DNAJC11: variants seen among roughly 807,000 people sequenced by gnomAD.
The protein encoded by DNAJC11 is DnaJ heat shock protein family (Hsp40) member C11, also known as dnaJ homolog subfamily C member 11.
Under a neutral mutation model 78.6 loss-of-function variants are expected in DNAJC11, and 15 were observed. That is an observed-to-expected ratio of 0.19 (90% confidence interval 0.13 to 0.29). The LOEUF (loss-of-function observed/expected upper bound fraction) is 0.29, where lower values mean the gene tolerates loss of function less well. Ranked by LOEUF, DNAJC11 falls within the 10% of genes least tolerant of loss-of-function variation. The probability of loss-of-function intolerance (pLI) is 1.00; values close to 1 mark genes in which losing one functional copy is unlikely to be tolerated. For missense variants in DNAJC11, 547 were observed against 709.6 expected (o/e 0.77, Z 2.60); for synonymous variants, 292 against 272.1 (o/e 1.07, Z -0.72).
At position 6,640,063 on chromosome 1, in the gene DNAJC11, G is replaced by GAAAA. The variant is rs753794029; in HGVS notation, c.1098-10_1098-7dup. The GAAAA allele has an allele frequency of 2.7e-6, 2 of 753,912 alleles. No individual in the cohort carries two copies. Among genetic ancestry groups the GAAAA allele is most frequent in the South Asian group, 3.7e-5 (1 of 27,016 alleles). 46.7% of individuals were successfully genotyped at this position (753,912 alleles called of 1,614,324 possible). The stretch of plus-strand genomic sequence containing the variant: ...TCTGACTGGCCCTGTTGAGCCTGGG[G>GAAAA]AAAAATACAAAAAAAAAAAAAAAAA... On this transcript the variant is annotated splice_polypyrimidine_tract_variant and splice_region_variant and intron_variant, in intron 10 of 15. Coordinates refer to ENST00000377577, the MANE Select transcript of DNAJC11 (RefSeq NM_018198.4).
At chr1:6,654,941 G>A (rs1484930371) in intron 4 of DNAJC11, among the ~76,000 whole-genome samples, 2 of 152,092 alleles carry the variant, frequency 1.3e-5, no homozygotes, top group Non-Finnish European at 2.9e-5. Flanking sequence ...TGGGACTACA[G>A]GCGCACGCCA....
Position 6,634,595 on chromosome 1 carries a change from C to T in DNAJC11, c.*1080G>A, listed in dbSNP as rs751700525. 2 of 1,366,100 alleles carry T rather than the reference C, an allele frequency of 1.5e-6. No individual in the cohort carries two copies. Among genetic ancestry groups the T allele is most frequent in the East Asian group, 4.5e-5 (1 of 21,980 alleles). The allele number at this position is 1,366,100 out of a possible 1,614,324, so 84.6% of individuals were successfully genotyped here. On this transcript the variant is annotated 3_prime_UTR_variant, in exon 16 of 16. Transcript: ENST00000377577. ...GCAACTGATGGCTGCCACTTCCAGG[C>T]CCCGAGAGACAGGCCTCACGTAACT...
intron 4 of DNAJC11, among the ~76,000 whole-genome samples, chr1:6,656,185 A>G (rs1390826381): frequency 3.3e-5 from 5 of 151,664 alleles, no homozygotes; most frequent in Non-Finnish European, 7.4e-5. Context: ...TTTTAGGGGG[A>G]AAAAAACCAT....
At chr1:6,650,557 C>A (rs1488266160) in intron 7 of DNAJC11, among the ~76,000 whole-genome samples, 1 of 151,966 alleles carries the variant, frequency 6.6e-6, no homozygotes, top group East Asian at 1.9e-4. Context: ...CAGAACAAAA[C>A]CTCGTCTCTA....
chr1:6,649,931 C>T (rs1315569649), intron 7 of DNAJC11, among the ~76,000 whole-genome samples: 1 of 151,910 alleles, frequency 6.6e-6, no homozygotes, highest in Non-Finnish European at 1.5e-5. Flanking sequence ...GTCTCGAACT[C>T]CTGTACATGT....
chr1:6,644,709 C>G (rs1641940255), intron 9 of DNAJC11, 35 bp from the exon 10 acceptor site: 2 of 1,564,208 alleles, frequency 1.3e-6, no homozygotes, highest in African/African-American at 1.4e-5. Context: ...GCCTGTGCCC[C>G]TCATTCATCA....
At chr1:6,694,540 G>T (rs776020670) in intron 1 of DNAJC11, among the ~76,000 whole-genome samples, 1 of 152,076 alleles carries the variant, frequency 6.6e-6, no homozygotes, top group Non-Finnish European at 1.5e-5. Flanking sequence ...AAATTCACTG[G>T]CTTTGTATGC....
At chr1:6,654,931 TG>T (rs1218668496) in intron 4 of DNAJC11, among the ~76,000 whole-genome samples, 1 of 152,160 alleles carries the variant, frequency 6.6e-6, no homozygotes, top group African/African-American at 2.4e-5. Context: ...CCCGAGTAGC[TG>T]GGACTACAGG....
chr1:6,699,985 T>C (rs1642899750), intron 1 of DNAJC11, among the ~76,000 whole-genome samples: 1 of 152,116 alleles, frequency 6.6e-6, no homozygotes, highest in Non-Finnish European at 1.5e-5. Context: ...CCTGCACATA[T>C]ACATCCAGAT....
chr1:6,634,660 C>A lies in DNAJC11; in HGVS notation c.*1015G>T, dbSNP rs750891314. The A allele has an allele frequency of 2.5e-5, 34 of 1,366,352 alleles. No individual in the cohort carries two copies. The highest frequency in any genetic ancestry group is 3.2e-5 in the Non-Finnish European group (33 of 1,021,824). 84.6% of individuals were successfully genotyped at this position (1,366,352 alleles called of 1,614,324 possible). Reference sequence around the variant, plus strand: ...GTCCAGGCCGTGGAGGGGGTCCTAGCTCCGCTGCATTCTGCATCCCAAGTG... The same window carrying A: ...GTCCAGGCCGTGGAGGGGGTCCTAGATCCGCTGCATTCTGCATCCCAAGTG... On this transcript the variant is annotated 3_prime_UTR_variant, in exon 16 of 16. Coordinates refer to ENST00000377577, the MANE Select transcript of DNAJC11 (RefSeq NM_018198.4).
chr1:6,662,277 C>T (rs1046899916), intron 4 of DNAJC11, among the ~76,000 whole-genome samples: 3 of 151,626 alleles, frequency 2.0e-5, no homozygotes, highest in African/African-American at 7.3e-5. Context: ...CACTGCAACC[C>T]CCGCCTCCCA....
chr1:6,639,881 G>C, intron 11 of DNAJC11, 21 bp downstream of exon 11: 1 of 1,609,580 alleles, frequency 6.2e-7, no homozygotes, highest in Non-Finnish European at 8.5e-7. Flanking sequence ...CTAGTGACAT[G>C]CCCATGACGT....
At chr1:6,639,512 A>G (rs1029922418) in intron 11 of DNAJC11, among the ~76,000 whole-genome samples, 2 of 151,578 alleles carry the variant, frequency 1.3e-5, no homozygotes, top group African/African-American at 4.9e-5. Flanking sequence ...CTATTTTTTT[A>G]GTAGAGACAG....
intron 1 of DNAJC11, among the ~76,000 whole-genome samples, chr1:6,684,485 T>C (rs1391952220): frequency 1.3e-5 from 2 of 152,234 alleles, no homozygotes; most frequent in East Asian, 3.8e-4. Context: ...TAGACTGCTA[T>C]TTCCTGGTTA....
intron 7 of DNAJC11, among the ~76,000 whole-genome samples, chr1:6,650,752 A>G (rs1041277776): frequency 3.9e-5 from 6 of 152,150 alleles, no homozygotes; most frequent in Non-Finnish European, 8.8e-5. Flanking sequence ...ACACGCCTGT[A>G]GTCCCAGCTA....
At chr1:6,695,114 C>G (rs1485634063) in intron 1 of DNAJC11, among the ~76,000 whole-genome samples, 1 of 150,564 alleles carries the variant, frequency 6.6e-6, no homozygotes, top group Non-Finnish European at 1.5e-5. Context: ...CCACTGCGCT[C>G]CAGCCTGGGT....
At chr1:6,654,949 C>G (rs1201190465) in intron 4 of DNAJC11, among the ~76,000 whole-genome samples, 1 of 152,118 alleles carries the variant, frequency 6.6e-6, no homozygotes, top group Middle Eastern at 3.2e-3. Context: ...CAGGCGCACG[C>G]CACCATGCCC....
chr1:6,667,127 C>T (rs1196680506), intron 4 of DNAJC11, among the ~76,000 whole-genome samples: 3 of 152,224 alleles, frequency 2.0e-5, no homozygotes, highest in South Asian at 2.1e-4. Context: ...TAAACTCCAT[C>T]GGTGATCTGG....
At chr1:6,684,278 C>T (rs990715335) in intron 1 of DNAJC11, among the ~76,000 whole-genome samples, 1 of 152,162 alleles carries the variant, frequency 6.6e-6, no homozygotes, top group Non-Finnish European at 1.5e-5. Flanking sequence ...GATGGGATTT[C>T]ATCGTGTTGG....
Sources: allele counts gnomAD v4.1 joint callset (sites outside exome capture counted in the v4.1 genomes callset), GRCh38; gene constraint gnomAD v4.1.1; transcripts MANE v1.5; gene names NCBI Gene and HGNC (gene_info 2026-07-23, HGNC 2026-07-21).